The following RPTOR variants were observed in gnomAD, a reference collection of about 807,000 sequenced individuals.
RPTOR encodes the protein regulatory-associated protein of mTOR.
In RPTOR, 21 loss-of-function variants were observed where a neutral mutation model predicts 169.9. The ratio of observed to expected loss-of-function variants is 0.12; its 90% CI spans 0.09 to 0.18. The LOEUF (loss-of-function observed/expected upper bound fraction) is 0.18. Among genes scored for constraint, RPTOR ranks in the 10% least tolerant of loss-of-function variants. The pLI is 1.00. For synonymous variants in RPTOR, 732 were observed against 753.2 expected (o/e 0.97, Z 0.46); for missense variants, 1,133 against 1,855.9 (o/e 0.61, Z 7.16).
chr17:80,839,964 AG>A (rs2067609210), intron 10 of RPTOR, among the ~76,000 whole-genome samples: 1 of 152,250 alleles, frequency 6.6e-6, no homozygotes, highest in Admixed American at 6.5e-5. Context: ...TTGGGGTGTC[AG>A]GACAAGCCGG....
chr17:80,873,307 G>C (rs1316901956), intron 13 of RPTOR, among the ~76,000 whole-genome samples: 1 of 152,130 alleles, frequency 6.6e-6, no homozygotes, highest in Non-Finnish European at 1.5e-5. Context: ...CAGGTCCTGG[G>C]AGTGATTGGC....
At position 80,708,130 on chromosome 17, in the gene RPTOR, T is replaced by A. The variant is rs938528099; in HGVS notation, c.507+131T>A. ...TTTACTGTGTTTCAACAAACCCAAA[T>A]GCCATAACTGAACGGACCAGGTAGT... On this transcript the variant is annotated intron_variant, in intron 4 of 33. Transcript: ENST00000306801. This position sits in a 1 kb window ranked among gnomAD's most constrained non-coding sequence, Gnocchi z 4.2. 1.1e-6 allele frequency: 1 copy of A among 890,174 alleles called. No individual in the cohort carries two copies. The highest frequency in any genetic ancestry group is 2.8e-5 in the Admixed American group (1 of 36,222). 55.1% of individuals were successfully genotyped at this position (890,174 alleles called of 1,614,324 possible). A position where few individuals can be genotyped will look rare whatever the true frequency, so the allele number is the denominator to read the frequency against.
chr17:80,665,436 TCC>T lies in RPTOR; in HGVS notation c.348+21627_348+21628del, dbSNP rs1567846362. On this transcript the variant is annotated intron_variant, in intron 3 of 33. Coordinates refer to ENST00000306801, the MANE Select transcript of RPTOR (RefSeq NM_020761.3). ...TCCTTTCCTTTCCTTTCCTTTCCTT[TCC>T]TTTCCTTTCCTTTCCTTTCCTTTCC... is the stretch of plus-strand genomic sequence containing the variant. Among the ~76,000 whole-genome samples the T allele has an allele frequency of 4.2e-3, 74 of 17,668 alleles. 4 individuals are homozygous for T. The African/African-American group carries it at 0.042, about 10-fold the overall frequency. The allele number at this position is 17,668 out of a possible 152,430, so 11.6% of individuals were successfully genotyped here. A position where few individuals can be genotyped will look rare whatever the true frequency, so the allele number is the denominator to read the frequency against.
chr17:80,799,555 G>A (rs1194855600), intron 7 of RPTOR, among the ~76,000 whole-genome samples: 1 of 152,222 alleles, frequency 6.6e-6, no homozygotes, highest in East Asian at 1.9e-4. Flanking sequence ...GCCACTAAGT[G>A]TGAGGACGAC....
At chr17:80,637,482 G>A (rs1432811165) in intron 2 of RPTOR, among the ~76,000 whole-genome samples, 2 of 152,204 alleles carry the variant, frequency 1.3e-5, no homozygotes, top group Non-Finnish European at 1.5e-5. Flanking sequence ...TGCTGTTCTA[G>A]TTCATAGAAG....
At chr17:80,864,277 G>A (rs1020635119) in intron 13 of RPTOR, among the ~76,000 whole-genome samples, 27 of 146,182 alleles carry the variant, frequency 1.8e-4, no homozygotes, top group Admixed American at 6.9e-4. Flanking sequence ...TGAGAATGAC[G>A]GCAGGTTTCT....
rs115832364 is a variant in RPTOR at position 80,827,685 on chromosome 17, T to C, written c.1136+4462T>C. ...GAACTGTGCTGGGGTTTGGAGAGGGTGAGAGTAAAGTCGCAGAGCCCAGGG... is the reference window on the plus strand; with the variant it reads ...GAACTGTGCTGGGGTTTGGAGAGGGCGAGAGTAAAGTCGCAGAGCCCAGGG... On this transcript the variant is annotated intron_variant, in intron 9 of 33. Coordinates refer to ENST00000306801, the MANE Select transcript of RPTOR (RefSeq NM_020761.3). 7.8e-3 allele frequency among the ~76,000 whole-genome samples: 1,188 copies of C among 151,932 alleles called. 13 individuals carry two copies. The highest frequency in any genetic ancestry group is 0.027 in the African/African-American group (1,108 of 41,390).
intron 24 of RPTOR, among the ~76,000 whole-genome samples, chr17:80,934,159 T>C (rs1051094442): frequency 4.0e-5 from 6 of 151,860 alleles, no homozygotes; most frequent in African/African-American, 1.5e-4. Flanking sequence ...TTTCTTGCTT[T>C]GTTTTGTTTC....
At chr17:80,631,512 G>C (rs890691403) in intron 2 of RPTOR, among the ~76,000 whole-genome samples, 1 of 152,162 alleles carries the variant, frequency 6.6e-6, no homozygotes, top group Non-Finnish European at 1.5e-5. Flanking sequence ...CATGTGCCCG[G>C]GCTTTCTCGG....
intron 4 of RPTOR, among the ~76,000 whole-genome samples, chr17:80,711,539 T>C (rs2066190342): frequency 6.6e-6 from 1 of 152,170 alleles, no homozygotes; most frequent in African/African-American, 2.4e-5. Flanking sequence ...GTTTGCAAAA[T>C]GTGCACTAAA....
At chr17:80,930,325 GC>G (rs2068870084) in intron 24 of RPTOR, among the ~76,000 whole-genome samples, 38 of 52,130 alleles carry the variant, frequency 7.3e-4, no homozygotes, top group Admixed American at 1.2e-3. Context: ...GCTCAGCTCA[GC>G]TCATCCTCAG....
chr17:80,625,204 GA>G (rs2143531030), intron 1 of RPTOR, among the ~76,000 whole-genome samples: 1 of 152,312 alleles, frequency 6.6e-6, no homozygotes, highest in South Asian at 2.1e-4. Flanking sequence ...CACTCTAGGA[GA>G]ACCAGGCAGC....
chr17:80,744,485 A>T lies in RPTOR; in HGVS notation c.655-9525A>T, dbSNP rs1180370127. ...CTAGCACAGCCCTGGTTACTAGCAC[A>T]GCCCTGGCTACTAGCACTGTCCTGG... On this transcript the variant is annotated intron_variant, in intron 5 of 33. Transcript: ENST00000306801. Among the ~76,000 whole-genome samples, 109 of 29,728 alleles carry T rather than the reference A, an allele frequency of 3.7e-3. 2 individuals are homozygous for T. The highest frequency in any genetic ancestry group is 0.013 in the Admixed American group (25 of 1,898). The allele number at this position is 29,728 out of a possible 152,430, so 19.5% of individuals were successfully genotyped here. A position where few individuals can be genotyped will look rare whatever the true frequency, so the allele number is the denominator to read the frequency against.
intron 1 of RPTOR, among the ~76,000 whole-genome samples, chr17:80,618,977 C>T (rs939736070): frequency 2.0e-5 from 3 of 152,180 alleles, no homozygotes; most frequent in Non-Finnish European, 4.4e-5. Flanking sequence ...GGTTACCCGC[C>T]TCCCCTTCCC....
In RPTOR at chr17:80,689,449, G is replaced by A. The variant is rs540142344; in HGVS notation, c.349-18392G>A. On this transcript the variant is annotated intron_variant, in intron 3 of 33. Coordinates refer to ENST00000306801, the MANE Select transcript of RPTOR (RefSeq NM_020761.3). ...TGCTGAGTGTGGGCAGTGAGGCCTCGTCTTACGCATGTGGTCAGAGGAGAT... is the reference window on the plus strand; with the variant it reads ...TGCTGAGTGTGGGCAGTGAGGCCTCATCTTACGCATGTGGTCAGAGGAGAT... 4.6e-5 allele frequency among the ~76,000 whole-genome samples: 7 copies of A among 152,342 alleles called. No homozygotes were observed. In the East Asian group the frequency reaches 9.6e-4, roughly 21 times the overall value.
intron 13 of RPTOR, among the ~76,000 whole-genome samples, chr17:80,863,680 T>C (rs1250835566): frequency 6.6e-6 from 1 of 152,208 alleles, no homozygotes; most frequent in African/African-American, 2.4e-5. Flanking sequence ...TTTTGGAGGC[T>C]GAGGCAGACA....
rs1567868386 is a variant in RPTOR, at chr17:80,708,623, GTCTCC to G, written c.507+627_507+631del. 8.1e-5 allele frequency among the ~76,000 whole-genome samples: 11 copies of G among 135,712 alleles called. No individual in the cohort carries two copies. The highest frequency in any genetic ancestry group is 3.2e-4 in the African/African-American group (10 of 31,628). The allele number at this position is 135,712 out of a possible 152,430, so 89.0% of individuals were successfully genotyped here. On this transcript the variant is annotated intron_variant, in intron 4 of 33. Transcript: ENST00000306801. The surrounding 1 kb of genome is among the most constrained non-coding windows in gnomAD (Gnocchi z 4.2). ...CTCCAGGGTGTGGTGGGTGCTGACT[GTCTCC>G]TCATCCTCCAGGGTGTGGTGGGTGC...
At chr17:80,890,416 G>T (rs966813545) in intron 17 of RPTOR, among the ~76,000 whole-genome samples, 6 of 152,330 alleles carry the variant, frequency 3.9e-5, no homozygotes, top group African/African-American at 1.2e-4. Flanking sequence ...CGGGGGTTCT[G>T]TGGTTTGCCA....
chr17:80,646,276 G>A lies in RPTOR; in HGVS notation c.348+2466G>A, dbSNP rs531766542. On this transcript the variant is annotated intron_variant, in intron 3 of 33. Transcript: ENST00000306801. This position sits in a 1 kb window ranked among gnomAD's most constrained non-coding sequence, Gnocchi z 5.0. ...AAATTTCCTGCTACTATCCATGAGC[G>A]GGCCTCATCTATTTTAGAAATTAGC... is the stretch of plus-strand genomic sequence containing the variant. 4.6e-5 allele frequency among the ~76,000 whole-genome samples: 7 copies of A among 152,246 alleles called. No homozygotes were observed. Among genetic ancestry groups the A allele is most frequent in the South Asian group, 4.2e-4 (2 of 4,818 alleles).
Sources: allele counts gnomAD v4.1 joint callset (sites outside exome capture counted in the v4.1 genomes callset), GRCh38; gene constraint gnomAD v4.1.1; non-coding constraint Gnocchi (gnomAD v3.1); transcripts MANE v1.5; gene names NCBI Gene and HGNC (gene_info 2026-07-23, HGNC 2026-07-21).